Variants in DLGAP2 observed in about 807,000 individuals in gnomAD.
DLGAP2 encodes the protein disks large-associated protein 2.
A neutral mutation model predicts 100.3 loss-of-function variants in DLGAP2; 26 were observed. The observed-to-expected ratio is 0.26, with a 90% confidence interval of 0.19 to 0.36. The LOEUF is 0.36. Among genes scored for constraint, DLGAP2 ranks in the 10% least tolerant of loss-of-function variants. The probability of loss-of-function intolerance (pLI) is 1.00; values close to 1 mark genes in which losing one functional copy is unlikely to be tolerated. For synonymous variants in DLGAP2, 886 were observed against 630.1 expected (o/e 1.41, Z -6.08); for missense variants, 1,858 against 1,453.2 (o/e 1.28, Z -4.53).
intron 6 of DLGAP2, among the ~76,000 whole-genome samples, chr8:1,599,461 T>A (rs1459650120): frequency 6.6e-6 from 1 of 152,206 alleles, no homozygotes; most frequent in Admixed American, 6.5e-5. Flanking sequence ...CAGTGAGGTG[T>A]GAAAGTCTCC....
intron 2 of DLGAP2, among the ~76,000 whole-genome samples, chr8:1,213,586 C>T (rs929779936): frequency 9.8e-5 from 15 of 152,298 alleles, no homozygotes; most frequent in Middle Eastern, 3.4e-3. Flanking sequence ...GCGGCATCTT[C>T]CTCAGATATG....
intron 1 of DLGAP2, among the ~76,000 whole-genome samples, chr8:780,391 C>T (rs1353007738): frequency 2.6e-5 from 4 of 152,204 alleles, no homozygotes; most frequent in African/African-American, 9.7e-5. Context: ...CATCCATTGA[C>T]AGACACGTAG....
In DLGAP2 at chr8:1,460,435, A is replaced by C. The variant is rs548929853; in HGVS notation, c.107-40931A>C. On this transcript the variant is annotated intron_variant, in intron 3 of 14. Transcript: ENST00000637795. The stretch of plus-strand genomic sequence containing the variant: ...CTGATTTCGTGTCGTCCTCAACACA[A>C]CCCCTTGAAGATTAACATGTCGCTT... Among the ~76,000 whole-genome samples, 6 of 152,214 alleles carry C rather than the reference A, an allele frequency of 3.9e-5. No individual in the cohort carries two copies. In the East Asian group the frequency reaches 7.7e-4, roughly 20 times the overall value.
chr8:830,567 C>T (rs1446759420), intron 1 of DLGAP2, among the ~76,000 whole-genome samples: 1 of 152,166 alleles, frequency 6.6e-6, no homozygotes, highest in Admixed American at 6.5e-5. Flanking sequence ...TTTGGCAGAT[C>T]ATACGTAATT....
chr8:1,025,645 A>C (rs556050203), intron 2 of DLGAP2, among the ~76,000 whole-genome samples: 21 of 152,216 alleles, frequency 1.4e-4, no homozygotes, highest in Admixed American at 2.0e-4. Context: ...TCTTCTCTGT[A>C]CTTGCCCACC....
chr8:1,202,240 C>T (rs1481594934), intron 2 of DLGAP2, among the ~76,000 whole-genome samples: 1 of 70,720 alleles, frequency 1.4e-5, no homozygotes. Context: ...TGTATAGATG[C>T]AGTGTGTGTG....
chr8:1,489,049 A>G (rs1183352052), intron 3 of DLGAP2, among the ~76,000 whole-genome samples: 1 of 152,190 alleles, frequency 6.6e-6, no homozygotes, highest in Non-Finnish European at 1.5e-5. Flanking sequence ...ACATGGTCCA[A>G]CTTCTTTAAG....
intron 3 of DLGAP2, among the ~76,000 whole-genome samples, chr8:1,470,374 C>T (rs1458137939): frequency 6.6e-6 from 1 of 152,170 alleles, no homozygotes; most frequent in Non-Finnish European, 1.5e-5. Context: ...CAACCTGAGT[C>T]CACCACAGTG....
intron 2 of DLGAP2, among the ~76,000 whole-genome samples, chr8:1,106,418 G>A (rs115413243): frequency 0.04 from 5,946 of 149,860 alleles, 257 homozygotes; most frequent in African/African-American, 0.12. Flanking sequence ...ATTGAAGGGA[G>A]CCACTCTAGG....
At chr8:819,619 T>C (rs529057214) in intron 1 of DLGAP2, among the ~76,000 whole-genome samples, 2 of 152,272 alleles carry the variant, frequency 1.3e-5, no homozygotes, top group Admixed American at 1.3e-4. Flanking sequence ...AGAACAAATA[T>C]GAGATCAATG....
chr8:1,596,913 G>T (rs1796476305), intron 6 of DLGAP2, among the ~76,000 whole-genome samples: 1 of 152,022 alleles, frequency 6.6e-6, no homozygotes, highest in South Asian at 2.1e-4. Context: ...CATTGCTCTT[G>T]GTGTTTTAGT....
rs531676480 is a variant in DLGAP2 at position 1,214,835 on chromosome 8, A to G, written c.74-44016A>G. 4.6e-5 allele frequency among the ~76,000 whole-genome samples: 7 copies of G among 152,244 alleles called. No homozygotes were observed. The South Asian group carries it at 1.4e-3, about 32-fold the overall frequency. ...ACTTCCACATAACATTCTTTAATGA[A>G]TTAAAGCCAAGCCATCTGTTGCTGT... On this transcript the variant is annotated intron_variant, in intron 2 of 14. Transcript: ENST00000637795.
At chr8:1,037,094 G>A (rs1216295336) in intron 2 of DLGAP2, among the ~76,000 whole-genome samples, 1 of 152,040 alleles carries the variant, frequency 6.6e-6, no homozygotes, top group Non-Finnish European at 1.5e-5. Context: ...CTGGAGAGTG[G>A]GCAGTGTGGC....
intron 1 of DLGAP2, among the ~76,000 whole-genome samples, chr8:771,825 G>T (rs569697499): frequency 6.6e-6 from 1 of 152,228 alleles, no homozygotes. Context: ...ATAAACAATG[G>T]AAAGGGCAGT....
intron 1 of DLGAP2, among the ~76,000 whole-genome samples, chr8:766,774 T>A (rs1363543325): frequency 1.3e-5 from 2 of 152,164 alleles, no homozygotes; most frequent in African/African-American, 2.4e-5. Context: ...CGTCAGACAG[T>A]TTAGCAGATG....
At chr8:1,270,556 T>C (rs750514601) in intron 3 of DLGAP2, among the ~76,000 whole-genome samples, 1 of 152,188 alleles carries the variant, frequency 6.6e-6, no homozygotes, top group Non-Finnish European at 1.5e-5. Context: ...CAGGCACCAC[T>C]GTCTTAACCT....
At chr8:1,063,508 C>G (rs1803151278) in intron 2 of DLGAP2, among the ~76,000 whole-genome samples, 1 of 143,192 alleles carries the variant, frequency 7.0e-6, no homozygotes, top group Admixed American at 7.4e-5. Context: ...TGCTTCTTGC[C>G]TTAGTATACT....
chr8:1,208,269 T>C (rs938774138), intron 2 of DLGAP2, among the ~76,000 whole-genome samples: 2 of 152,202 alleles, frequency 1.3e-5, no homozygotes, highest in Non-Finnish European at 2.9e-5. Flanking sequence ...CCAGTTTCAT[T>C]CTTCTATATG....
At chr8:1,090,568 T>G (rs1804145770) in intron 2 of DLGAP2, among the ~76,000 whole-genome samples, 1 of 151,948 alleles carries the variant, frequency 6.6e-6, no homozygotes, top group Admixed American at 6.6e-5. Flanking sequence ...CCACAGGGGG[T>G]TTGTCCTGTG....
Sources: gnomAD v4.1 joint callset for allele counts (sites outside exome capture counted in the v4.1 genomes callset) on GRCh38, gnomAD v4.1.1 for gene constraint, MANE v1.5 for transcripts, NCBI Gene and HGNC (gene_info 2026-07-23, HGNC 2026-07-21) for gene names.